The following CARD6 variants were observed in gnomAD, a reference collection of about 807,000 sequenced individuals.
CARD6 encodes the protein caspase recruitment domain-containing protein 6.
In CARD6, 27 loss-of-function variants were observed where a neutral mutation model predicts 23.6. The ratio of observed to expected loss-of-function variants is 1.14; its 90% confidence interval spans 0.84 to 1.58. CARD6 has a LOEUF of 1.58. Among genes scored for constraint, CARD6 ranks in the 40% most tolerant of loss-of-function variants. The probability of loss-of-function intolerance (pLI) is 0.00; values close to 1 mark genes in which losing one functional copy is unlikely to be tolerated. For missense variants in CARD6, 1,214 were observed against 1,209.9 expected (o/e 1.00, Z -0.05); for synonymous variants, 397 against 431.8 (o/e 0.92, Z 1.00).
In CARD6 at chr5:40,854,098, T is replaced by C. The variant is rs1746141584; in HGVS notation, c.2766T>C (p.Gly922=). 1.2e-6 allele frequency: 2 copies of C among 1,614,154 alleles called. No individual in the cohort carries two copies. Among genetic ancestry groups the C allele is most frequent in the South Asian group, 2.2e-5 (2 of 91,078 alleles). Residue 922 remains glycine, a synonymous_variant, in exon 3 of 3, where the codon GGT becomes GGC. Transcript: ENST00000254691. ...SQQGVQMKTQ[G]GASNPALQIG... ...AAGGAGTCCAGATGAAGACACAAGG[T>C]GGGGCTTCAAATCCAGCTCTCCAAA... is the stretch of plus-strand genomic sequence containing the variant.
chr5:40,854,531 T>A lies in CARD6; in HGVS notation c.*85T>A. ...GTAAGCAGAAGAGTTGCCATGAAAG[T>A]AAAAGACTACTGTCATTAGCATGTA... On this transcript the variant is annotated 3_prime_UTR_variant, in exon 3 of 3. Coordinates refer to ENST00000254691, the MANE Select transcript of CARD6 (RefSeq NM_032587.4). 9.6e-7 allele frequency: 1 copy of A among 1,038,884 alleles called. No homozygotes were observed. The allele number at this position is 1,038,884 out of a possible 1,614,324, so 64.4% of individuals were successfully genotyped here. A position where few individuals can be genotyped will look rare whatever the true frequency, so the allele number is the denominator to read the frequency against.
In CARD6 at chr5:40,841,537, A is replaced by T; in HGVS notation, c.155A>T (p.Asp52Val). ...EEYETLENVT[D>V]LLKKSRKLLI... is the part of the protein sequence containing the mutation. ...TATGAGACTCTGGAGAATGTTACAG[A>T]TCTCCTGAAGAAAAGTCGGAAGCTG... The change falls in exon 1 of 3, where the codon GAT becomes GTT. Residue 52 changes from aspartate (D) to valine (V), a missense_variant. Asp to Val is a radical substitution (Grantham distance 152). Transcript: ENST00000254691. 6.2e-7 allele frequency: 1 copy of T among 1,614,152 alleles called. No homozygotes were observed.
At position 40,843,218 on chromosome 5, in the gene CARD6, C is replaced by CT. The variant is rs779656323; in HGVS notation, c.355dup (p.Ser119PhefsTer8). 1.9e-5 allele frequency: 30 copies of CT among 1,613,650 alleles called. No homozygotes were observed. Among genetic ancestry groups the CT allele is most frequent in the Non-Finnish European group, 2.5e-5 (30 of 1,179,804 alleles). On this transcript the variant is annotated frameshift_variant, in exon 2 of 3. Coordinates refer to ENST00000254691, the MANE Select transcript of CARD6 (RefSeq NM_032587.4). LOFTEE classifies it high-confidence loss of function. Reference sequence around the variant, plus strand: ...GGGGCAAGCAGTAATTCAGAAGATGCTTTTTCTCCTGGAATAAAACAGCCT... The same window carrying CT: ...GGGGCAAGCAGTAATTCAGAAGATGCTTTTTTCTCCTGGAATAAAACAGCCT...
In CARD6 at chr5:40,852,178, A is replaced by T. The variant is rs1396003445; in HGVS notation, c.846A>T (p.Arg282Ser). 6.3e-7 allele frequency: 1 copy of T among 1,592,036 alleles called. No homozygotes were observed. Among genetic ancestry groups the T allele is most frequent in the Admixed American group, 1.7e-5 (1 of 57,716 alleles). ...CTATTATCTTCTCTCCTACAGAAAGAAAAAAGGTGTTTAAAGATGTCCTGT... is the reference window on the plus strand; with the variant it reads ...CTATTATCTTCTCTCCTACAGAAAGTAAAAAGGTGTTTAAAGATGTCCTGT... ...EEEQEKSIEERKKVFKDVLLC... is the reference protein window; with the variant it reads ...EEEQEKSIEESKKVFKDVLLC... The change falls in exon 3 of 3, where the codon AGA becomes AGT. Residue 282 changes from arginine (R) to serine (S), a missense_variant. Physicochemically the swap from Arg to Ser is moderately radical, Grantham distance 110. Coordinates refer to ENST00000254691, the MANE Select transcript of CARD6 (RefSeq NM_032587.4).
chr5:40,852,139 G>T, intron 2 of CARD6, 35 bp from the exon 3 acceptor site: 1 of 1,375,424 alleles, frequency 7.3e-7, no homozygotes, highest in South Asian at 1.3e-5. Context: ...TTGAAACTCT[G>T]AACATGGCAT....
chr5:40,853,847 C>T lies in CARD6; in HGVS notation c.2515C>T (p.Leu839Phe), dbSNP rs35672368. 2,640 of 1,614,168 alleles carry T rather than the reference C, an allele frequency of 1.6e-3. 43 individuals carry two copies. The African/African-American group carries it at 0.031, about 19-fold the overall frequency. Reference protein sequence around the residue: ...CPERPQMMGTLERSRAVASKI... With the variant: ...CPERPQMMGTFERSRAVASKI... The stretch of plus-strand genomic sequence containing the variant: ...TGAGAGACCACAAATGATGGGAACT[C>T]TTGAAAGGTCTAGGGCAGTAGCCTC... Residue 839 changes from leucine (L) to phenylalanine (F), a missense_variant, in exon 3 of 3, where the codon CTT (leucine) becomes TTT (phenylalanine). Leu to Phe is a conservative substitution (Grantham distance 22). Transcript: ENST00000254691.
In CARD6 at chr5:40,850,411, C is replaced by A. The variant is rs1371115979; in HGVS notation, c.842-1763C>A. Reference sequence around the variant, plus strand: ...CCTGGGTGACAGAGTGACACTCCATCTCAAAAAAAAAAAAAAAAAAAAGCC... The same window carrying A: ...CCTGGGTGACAGAGTGACACTCCATATCAAAAAAAAAAAAAAAAAAAAGCC... On this transcript the variant is annotated intron_variant, in intron 2 of 2. Transcript: ENST00000254691. Among the ~76,000 whole-genome samples the A allele has an allele frequency of 1.4e-3, 10 of 7,266 alleles. No homozygotes were observed. The South Asian group carries it at 0.02, about 15-fold the overall frequency. The allele number at this position is 7,266 out of a possible 152,430, so 4.8% of individuals were successfully genotyped here. A position where few individuals can be genotyped will look rare whatever the true frequency, so the allele number is the denominator to read the frequency against.
intron 1 of CARD6, 36 bp from the exon 2 acceptor site, chr5:40,843,116 T>C: frequency 6.9e-7 from 1 of 1,445,918 alleles, no homozygotes; most frequent in Non-Finnish European, 9.4e-7. Context: ...ACAGCTTCTT[T>C]TTCTTAATTG....
intron 2 of CARD6, among the ~76,000 whole-genome samples, chr5:40,848,375 C>T (rs537649419): frequency 6.6e-6 from 1 of 151,914 alleles, no homozygotes; most frequent in Non-Finnish European, 1.5e-5. Flanking sequence ...ACCGCCAGGC[C>T]TGGTTAATTT....
In CARD6 at chr5:40,841,602, C is replaced by T. The variant is rs750531678; in HGVS notation, c.220C>T (p.His74Tyr). The T allele has an allele frequency of 1.9e-6, 3 of 1,614,054 alleles. No individual in the cohort carries two copies. The highest frequency in any genetic ancestry group is 2.5e-6 in the Non-Finnish European group (3 of 1,179,980). Reference sequence around the variant, plus strand: ...GAAAAAGGGAGAGGCGACCTGTCAGCATTTTCTCAAGTGTTTATTTAGTAC... The same window carrying T: ...GAAAAAGGGAGAGGCGACCTGTCAGTATTTTCTCAAGTGTTTATTTAGTAC... ...VQKKGEATCQ[H>Y]FLKCLFSTFP... The change falls in exon 1 of 3, where the codon CAT (histidine) becomes TAT (tyrosine). Residue 74 changes from histidine (H) to tyrosine (Y), a missense_variant. Coordinates refer to ENST00000254691, the MANE Select transcript of CARD6 (RefSeq NM_032587.4).
chr5:40,844,312 C>T (rs984057003), intron 2 of CARD6, among the ~76,000 whole-genome samples: 16 of 152,132 alleles, frequency 1.1e-4, no homozygotes, highest in Admixed American at 3.3e-4. Context: ...TGACTCACCG[C>T]AGCCTCTACC....
intron 2 of CARD6, among the ~76,000 whole-genome samples, chr5:40,844,243 TA>T (rs899504335): frequency 3.3e-5 from 5 of 152,122 alleles, no homozygotes; most frequent in Non-Finnish European, 5.9e-5. Context: ...TTTCTTTATT[TA>T]AAAAAAATTT....
chr5:40,850,410 T>A (rs1746042672), intron 2 of CARD6, among the ~76,000 whole-genome samples: 3 of 11,100 alleles, frequency 2.7e-4, no homozygotes, highest in East Asian at 5.8e-3. Context: ...TGACACTCCA[T>A]CTCAAAAAAA....
rs1403078569 is a variant in CARD6, at chr5:40,854,358, C to T, written c.3026C>T (p.Pro1009Leu). ...PPQSKPSQPR[P>L]PQPKSSSTNP... ...CAGTCTAAGCCTTCTCAGCCCAGAC[C>T]CCCTCAACCTAAGTCATCCTCAACC... Residue 1009 changes from proline to leucine, a missense_variant, in exon 3 of 3, where the codon CCC becomes CTC. Pro to Leu is a moderately conservative substitution (Grantham distance 98). Coordinates refer to ENST00000254691, the MANE Select transcript of CARD6 (RefSeq NM_032587.4). 2.5e-6 allele frequency: 4 copies of T among 1,614,026 alleles called. No homozygotes were observed. Among genetic ancestry groups the T allele is most frequent in the African/African-American group, 1.3e-5 (1 of 74,910 alleles).
At chr5:40,842,700 C>T (rs1745883102) in intron 1 of CARD6, among the ~76,000 whole-genome samples, 1 of 151,952 alleles carries the variant, frequency 6.6e-6, no homozygotes, top group Non-Finnish European at 1.5e-5. Flanking sequence ...GACATGTTGA[C>T]ATGCAAGTTA....
intron 2 of CARD6, among the ~76,000 whole-genome samples, chr5:40,846,157 TG>T (rs923353022): frequency 1.3e-5 from 2 of 151,592 alleles, no homozygotes; most frequent in African/African-American, 2.4e-5. Context: ...GGATTACAGG[TG>T]CCCACTACCA....
In CARD6 at chr5:40,852,194, G is replaced by T. The variant is rs1342404916; in HGVS notation, c.862G>T (p.Asp288Tyr). ...SIEERKKVFK[D>Y]VLLCLNMDRS... ...TACAGAAAGAAAAAAGGTGTTTAAA[G>T]ATGTCCTGTTATGTTTGAACATGGA... Residue 288 changes from aspartate to tyrosine, a missense_variant, in exon 3 of 3, where the codon GAT (aspartate) becomes TAT (tyrosine). By Grantham distance (160) the Asp-to-Tyr change is radical. Transcript: ENST00000254691. 6 of 1,607,750 alleles carry T rather than the reference G, an allele frequency of 3.7e-6. No homozygotes were observed. Among genetic ancestry groups the T allele is most frequent in the Non-Finnish European group, 5.1e-6 (6 of 1,176,022 alleles).
rs1471027627 is a variant in CARD6 at position 40,854,412 on chromosome 5, C to T, written c.3080C>T (p.Ser1027Leu). The change falls in exon 3 of 3, where the codon TCA becomes TTA. Residue 1027 changes from serine (S) to leucine (L), a missense_variant. Physicochemically the swap from Ser to Leu is moderately radical, Grantham distance 145 (BLOSUM62 -2). Transcript: ENST00000254691. ...CCTTCACAAGCTAAGGCACACCACTCAAAAGCAGGGCAGAAGAGGGGAGGG... is the reference window on the plus strand; with the variant it reads ...CCTTCACAAGCTAAGGCACACCACTTAAAAGCAGGGCAGAAGAGGGGAGGG... Reference protein sequence around the residue: ...TNPSQAKAHHSKAGQKRGGKH With the variant: ...TNPSQAKAHHLKAGQKRGGKH 6.2e-7 allele frequency: 1 copy of T among 1,613,920 alleles called. No homozygotes were observed. The highest frequency in any genetic ancestry group is 2.2e-5 in the East Asian group (1 of 44,888).
rs1485006653 is a variant in CARD6 at position 40,853,425 on chromosome 5, C to T, written c.2093C>T (p.Ala698Val). The T allele has an allele frequency of 6.2e-7, 1 of 1,614,046 alleles. No individual in the cohort carries two copies. The highest frequency in any genetic ancestry group is 2.2e-5 in the East Asian group (1 of 44,892). ...CTAAAAAGCTCATCTAAAAGCCAGG[C>T]TCTAATGCCAATTCAAGAGCCTGGG... Reference protein sequence around the residue: ...SQLKSSSKSQALMPIQEPGTQ... With the variant: ...SQLKSSSKSQVLMPIQEPGTQ... Residue 698 changes from alanine to valine, a missense_variant, in exon 3 of 3, where the codon GCT becomes GTT. Physicochemically the swap from Ala to Val is moderately conservative, Grantham distance 64 (BLOSUM62 0). Coordinates refer to ENST00000254691, the MANE Select transcript of CARD6 (RefSeq NM_032587.4).
Sources: allele counts gnomAD v4.1 joint callset (sites outside exome capture counted in the v4.1 genomes callset), GRCh38; gene constraint gnomAD v4.1.1; transcripts MANE v1.5; gene names NCBI Gene and HGNC (gene_info 2026-07-23, HGNC 2026-07-21).